Variants in FRA10AC1 observed in about 807,000 individuals in gnomAD.
FRA10AC1 encodes FRA10A associated CGG repeat 1.
Under a neutral mutation model 56.5 loss-of-function variants are expected in FRA10AC1, and 43 were observed. The observed-to-expected ratio is 0.76, with a 90% CI of 0.60 to 0.98. The LOEUF (loss-of-function observed/expected upper bound fraction) is 0.98. Among genes scored for constraint, FRA10AC1 ranks in the 50% least tolerant of loss-of-function variants. The pLI is 0.00. For missense variants in FRA10AC1, 346 were observed against 351.8 expected (o/e 0.98, Z 0.13); for synonymous variants, 112 against 110.5 (o/e 1.01, Z -0.09).
Position 93,681,559 on chromosome 10 carries a change from G to T in FRA10AC1, c.708C>A (p.Thr236=). 3.2e-6 allele frequency: 5 copies of T among 1,555,800 alleles called. No individual in the cohort carries two copies. Among genetic ancestry groups the T allele is most frequent in the South Asian group, 2.5e-5 (2 of 81,626 alleles). ...EIKSKKRKDK[T]KKDCEESSHK... ...GTGATGACTCTTCACAGTCTTTTTT[G>T]GTTTTATCTTTTCTTTTTTTTGACT... The change falls in exon 11 of 14, where the codon ACC becomes ACA. Residue 236 remains threonine, a synonymous_variant. Transcript: ENST00000359204.
At chr10:93,693,503 TATATACACCATATATATATATATAC>T (rs1256157861) in intron 5 of FRA10AC1, among the ~76,000 whole-genome samples, 14 of 50,028 alleles carry the variant, frequency 2.8e-4, no homozygotes, top group South Asian at 7.5e-4. Flanking sequence ...TATATATATA[TATATACACCATATATATATATATAC>T]ACCATATATA....
chr10:93,691,881 C>A, intron 7 of FRA10AC1, 128 bp downstream of exon 7: 2 of 1,017,326 alleles, frequency 2.0e-6, no homozygotes, highest in Non-Finnish European at 2.7e-6. Flanking sequence ...AATGACACAT[C>A]ATAAACGCAG....
chr10:93,702,924 C>CTCAGAGCAGCTCATCAGCGCT (rs1427165820), upstream of FRA10AC1: 4 of 453,692 alleles, frequency 8.8e-6, no homozygotes, highest in African/African-American at 8.0e-5. Flanking sequence ...GGAGGATCCT[C>CTCAGAGCAGCTCATCAGCGCT]TCAGAGCAGC....
chr10:93,685,151 T>C (rs904606739), intron 9 of FRA10AC1, 95 bp downstream of exon 9: 55 of 668,132 alleles, frequency 8.2e-5, no homozygotes, highest in Non-Finnish European at 1.3e-4. Flanking sequence ...CAGAAAGATA[T>C]GTTAAAAATT....
intron 8 of FRA10AC1, among the ~76,000 whole-genome samples, chr10:93,686,652 G>A (rs1044061529): frequency 6.2e-5 from 5 of 80,854 alleles, no homozygotes; most frequent in Non-Finnish European, 1.6e-4. Context: ...ATATATATGA[G>A]CCACGATAGC....
chr10:93,695,416 T>C (rs1274322244), intron 4 of FRA10AC1, among the ~76,000 whole-genome samples: 1 of 151,814 alleles, frequency 6.6e-6, no homozygotes, highest in Non-Finnish European at 1.5e-5. Context: ...AATTTATAAT[T>C]AAATCCCAAC....
At chr10:93,689,911 C>T (rs1316041945) in intron 7 of FRA10AC1, among the ~76,000 whole-genome samples, 2 of 152,130 alleles carry the variant, frequency 1.3e-5, no homozygotes, top group African/African-American at 4.8e-5. Context: ...AATAAACTTT[C>T]CAGCTCATTT....
In FRA10AC1 at chr10:93,685,365, GA is replaced by G. The variant is rs766452050; in HGVS notation, c.512-7del. On this transcript the variant is annotated splice_region_variant and splice_polypyrimidine_tract_variant and intron_variant, in intron 8 of 13. Transcript: ENST00000359204. ...ATTTCCACAGAAAAATTGACCTGCA[GA>G]AAGGAAAGGAATATTAGCTATGGTA... 81 of 1,211,288 alleles carry G rather than the reference GA, an allele frequency of 6.7e-5. No homozygotes were observed. In the Middle Eastern group the frequency reaches 2.7e-3, roughly 40 times the overall value. The allele number at this position is 1,211,288 out of a possible 1,614,324, so 75.0% of individuals were successfully genotyped here.
At chr10:93,689,455 T>C (rs1269632783) in intron 7 of FRA10AC1, among the ~76,000 whole-genome samples, 3 of 152,254 alleles carry the variant, frequency 2.0e-5, no homozygotes, top group Non-Finnish European at 4.4e-5. Context: ...AGCCTATATA[T>C]GTATGTGGAG....
At chr10:93,683,680 GGT>G (rs2058974301) in intron 10 of FRA10AC1, among the ~76,000 whole-genome samples, 1 of 152,060 alleles carries the variant, frequency 6.6e-6, no homozygotes, top group South Asian at 2.1e-4. Flanking sequence ...TGAGTATAGA[GGT>G]GTCTAATCCT....
At chr10:93,688,112 C>T (rs1189122169) in intron 7 of FRA10AC1, among the ~76,000 whole-genome samples, 1 of 152,070 alleles carries the variant, frequency 6.6e-6, no homozygotes, top group Non-Finnish European at 1.5e-5. Context: ...TTGGAAGCAA[C>T]CAAGATGTTC....
intron 4 of FRA10AC1, among the ~76,000 whole-genome samples, chr10:93,695,315 T>G (rs2059213292): frequency 6.6e-6 from 1 of 151,924 alleles, no homozygotes; most frequent in Admixed American, 6.6e-5. Context: ...AAGTAGAGAA[T>G]TTATCTTTCA....
At chr10:93,671,360 T>C (rs1295109417) in intron 12 of FRA10AC1, 1 of 152,744 alleles carries the variant, frequency 6.5e-6, no homozygotes, top group Non-Finnish European at 1.5e-5. Flanking sequence ...AAGAAGCCTG[T>C]TTCAGGGAAG....
Position 93,697,620 on chromosome 10 carries a change from T to C in FRA10AC1, c.219+516A>G, listed in dbSNP as rs139594998. On this transcript the variant is annotated intron_variant, in intron 4 of 13. Coordinates refer to ENST00000359204, the MANE Select transcript of FRA10AC1 (RefSeq NM_145246.5). ...GGCTATAACCAGGAAGCAGGGTTTATCTTAAAGATAGCTTTAAGTCATGCC... is the reference window on the plus strand; with the variant it reads ...GGCTATAACCAGGAAGCAGGGTTTACCTTAAAGATAGCTTTAAGTCATGCC... Among the ~76,000 whole-genome samples, 212 of 152,318 alleles carry C rather than the reference T, an allele frequency of 1.4e-3. 1 individual carries two copies. The highest frequency in any genetic ancestry group is 4.3e-3 in the African/African-American group (177 of 41,564).
At chr10:93,679,574 G>A (rs774429805) in intron 11 of FRA10AC1, among the ~76,000 whole-genome samples, 1 of 152,164 alleles carries the variant, frequency 6.6e-6, no homozygotes, top group Non-Finnish European at 1.5e-5. Flanking sequence ...ACATTTTCCA[G>A]AAACTGAAAG....
chr10:93,671,775 G>GT, intron 12 of FRA10AC1: 1 of 304,112 alleles, frequency 3.3e-6, no homozygotes, highest in East Asian at 9.3e-5. Context: ...GTAATTTTAT[G>GT]TACGTATTGT....
At chr10:93,699,065 A>G (rs1227240814) in intron 2 of FRA10AC1, among the ~76,000 whole-genome samples, 1 of 152,204 alleles carries the variant, frequency 6.6e-6, no homozygotes, top group Non-Finnish European at 1.5e-5. Context: ...GATGTGGCCC[A>G]GGAAAGCCAA....
At chr10:93,679,705 A>C (rs1036832379) in intron 11 of FRA10AC1, among the ~76,000 whole-genome samples, 2 of 152,142 alleles carry the variant, frequency 1.3e-5, no homozygotes, top group African/African-American at 2.4e-5. Flanking sequence ...TTATCAGCCT[A>C]AAAACAACAG....
At chr10:93,682,854 A>C (rs1177856226) in intron 10 of FRA10AC1, among the ~76,000 whole-genome samples, 1 of 152,196 alleles carries the variant, frequency 6.6e-6, no homozygotes. Context: ...GCTAATTTTA[A>C]GAATTAAAAA....
Sources: allele counts gnomAD v4.1 joint callset (sites outside exome capture counted in the v4.1 genomes callset), GRCh38; gene constraint gnomAD v4.1.1; transcripts MANE v1.5; gene names NCBI Gene and HGNC (gene_info 2026-07-23, HGNC 2026-07-21).